Variants in OR1J2 observed in about 807,000 individuals in gnomAD.
The protein encoded by OR1J2 is olfactory receptor 1J2.
For missense variants in OR1J2, 304 were observed against 246.1 expected (o/e 1.24, Z -1.57); for synonymous variants, 142 against 99.7 (o/e 1.42, Z -2.52).
chr9:122,477,407 T>G, the OR1J2 span: 57 of 1,613,916 alleles, frequency 3.5e-5, no homozygotes, highest in Non-Finnish European at 4.8e-5. Flanking sequence ...TAGTGAGGGA[T>G]GATGTGGTCA....
the OR1J2 span, among the ~76,000 whole-genome samples, chr9:122,449,776 G>C: frequency 6.6e-6 from 1 of 152,164 alleles, no homozygotes; most frequent in African/African-American, 2.4e-5. Context: ...AAGAGGTGCA[G>C]CATGCTGGTT....
the OR1J2 span, among the ~76,000 whole-genome samples, chr9:122,561,307 T>C: frequency 6.6e-6 from 1 of 152,312 alleles, no homozygotes. Flanking sequence ...CAGCAGAGTT[T>C]GTTATTACCC....
At chr9:122,563,003 C>T in the OR1J2 span, among the ~76,000 whole-genome samples, 4 of 152,168 alleles carry the variant, frequency 2.6e-5, no homozygotes, top group South Asian at 2.1e-4. Context: ...GACTCTTTGA[C>T]GTACTTATTT....
At chr9:122,518,034 G>A in the OR1J2 span, among the ~76,000 whole-genome samples, 1 of 152,148 alleles carries the variant, frequency 6.6e-6, no homozygotes, top group East Asian at 1.9e-4. Context: ...CCCTGCATAG[G>A]ACATGGTCTC....
At chr9:122,497,773 GTCTT>G in the OR1J2 span, among the ~76,000 whole-genome samples, 1 of 151,982 alleles carries the variant, frequency 6.6e-6, no homozygotes, top group East Asian at 1.9e-4. Context: ...TTAATTTGAG[GTCTT>G]TCTAACTTTT....
the OR1J2 span, among the ~76,000 whole-genome samples, chr9:122,546,528 A>C: frequency 1.3e-5 from 2 of 152,168 alleles, no homozygotes; most frequent in Non-Finnish European, 2.9e-5. Context: ...AGGTGTTCAG[A>C]CCTAACAAAC....
At chr9:122,579,369 A>C in the OR1J2 span, among the ~76,000 whole-genome samples, 1 of 152,130 alleles carries the variant, frequency 6.6e-6, no homozygotes, top group African/African-American at 2.4e-5. Flanking sequence ...ATTTTGCACT[A>C]ACTTTTTAAG....
chr9:122,497,902 AT>A, the OR1J2 span, among the ~76,000 whole-genome samples: 1 of 152,022 alleles, frequency 6.6e-6, no homozygotes, highest in Non-Finnish European at 1.5e-5. Flanking sequence ...ATTTCAAAGA[AT>A]TTTTTTATTT....
At chr9:122,563,649 G>A in the OR1J2 span, among the ~76,000 whole-genome samples, 13 of 152,038 alleles carry the variant, frequency 8.6e-5, no homozygotes, top group African/African-American at 1.7e-4. Flanking sequence ...TGCTTTTGTT[G>A]TCTATGCTTT....
At chr9:122,503,028 C>G in the OR1J2 span, among the ~76,000 whole-genome samples, 3 of 152,110 alleles carry the variant, frequency 2.0e-5, no homozygotes, top group Non-Finnish European at 4.4e-5. Context: ...AGGTGGTTGC[C>G]TTAGTTGATG....
chr9:122,533,279 TGGG>T, the OR1J2 span, among the ~76,000 whole-genome samples: 1 of 151,934 alleles, frequency 6.6e-6, no homozygotes, highest in Non-Finnish European at 1.5e-5. Context: ...ACAGGTAAAA[TGGG>T]GGAATTTTAA....
the OR1J2 span, among the ~76,000 whole-genome samples, chr9:122,453,315 G>C: frequency 6.6e-6 from 1 of 152,160 alleles, no homozygotes; most frequent in Non-Finnish European, 1.5e-5. Context: ...TGGGCCAAAT[G>C]CAAGTTCAGT....
the OR1J2 span, among the ~76,000 whole-genome samples, chr9:122,540,292 A>G: frequency 1.3e-5 from 2 of 152,134 alleles, no homozygotes; most frequent in Middle Eastern, 3.2e-3. Flanking sequence ...TAATTTTTGT[A>G]TAAGGTGTAA....
the OR1J2 span, among the ~76,000 whole-genome samples, chr9:122,486,573 G>T: frequency 6.6e-6 from 1 of 152,134 alleles, no homozygotes; most frequent in African/African-American, 2.4e-5. Flanking sequence ...ATAAAAATTA[G>T]AATAGCAATC....
chr9:122,548,115 A>C, the OR1J2 span, among the ~76,000 whole-genome samples: 2 of 152,176 alleles, frequency 1.3e-5, no homozygotes, highest in African/African-American at 4.8e-5. Context: ...GAAGTATACA[A>C]ATTTATTTAA....
chr9:122,526,505 A>C, the OR1J2 span: 1 of 1,590,418 alleles, frequency 6.3e-7, no homozygotes, highest in South Asian at 1.2e-5. Context: ...CTTCAGAGGC[A>C]ATGGAGGGAG....
At chr9:122,564,806 C>G in the OR1J2 span, among the ~76,000 whole-genome samples, 1 of 152,220 alleles carries the variant, frequency 6.6e-6, no homozygotes, top group Non-Finnish European at 1.5e-5. Context: ...TTTCAGCTGG[C>G]AGGGCCAGCA....
At chr9:122,559,618 C>T in the OR1J2 span, among the ~76,000 whole-genome samples, 2 of 152,064 alleles carry the variant, frequency 1.3e-5, no homozygotes, top group Admixed American at 6.5e-5. Context: ...GTTCAGTTTC[C>T]ATGTAGTTGT....
the OR1J2 span, among the ~76,000 whole-genome samples, chr9:122,537,170 A>G: frequency 0.76 from 115,873 of 152,174 alleles, 44,749 homozygotes; most frequent in East Asian, 1. Context: ...ACATGAAAGG[A>G]TCGTGATTGA....
Sources: allele counts gnomAD v4.1 joint callset (sites outside exome capture counted in the v4.1 genomes callset), GRCh38; gene constraint gnomAD v4.1.1; transcripts MANE v1.5; gene names NCBI Gene and HGNC (gene_info 2026-07-23, HGNC 2026-07-21).